The following PPP1R3A variants were observed in gnomAD, a reference collection of about 807,000 sequenced individuals.
PPP1R3A encodes RG1.
A neutral mutation model predicts 41.7 loss-of-function variants in PPP1R3A; 29 were observed. The observed-to-expected ratio is 0.70, with a 90% CI of 0.52 to 0.95. PPP1R3A has a LOEUF of 0.95. Ranked by LOEUF, PPP1R3A falls within the 40% of genes least tolerant of loss-of-function variation. The pLI, the probability that PPP1R3A is intolerant of heterozygous loss-of-function variation, is 0.00. For missense variants in PPP1R3A, 1,352 were observed against 1,292.4 expected (o/e 1.05, Z -0.71); for synonymous variants, 485 against 453.4 (o/e 1.07, Z -0.89).
At position 113,918,104 on chromosome 7, in the gene PPP1R3A, T is replaced by C. The variant is rs535698010; in HGVS notation, c.782+111A>G. 66 of 1,068,182 alleles carry C rather than the reference T, an allele frequency of 6.2e-5. No homozygotes were observed. The Admixed American group carries it at 7.9e-4, about 13-fold the overall frequency. 66.2% of individuals were successfully genotyped at this position (1,068,182 alleles called of 1,614,324 possible). On this transcript the variant is annotated intron_variant, in intron 1 of 3. Coordinates refer to ENST00000284601, the MANE Select transcript of PPP1R3A (RefSeq NM_002711.4). ...AAGCCTGGCACCATTGTTTTTTACA[T>C]AGCAAGCAGTATATTTTTAAATAGA... is the stretch of plus-strand genomic sequence containing the variant.
rs1796585492 is a variant in PPP1R3A at position 113,877,450 on chromosome 7, C to T, written c.*273G>A. The T allele has an allele frequency of 2.3e-5, 7 of 307,732 alleles. No individual in the cohort carries two copies. The South Asian group carries it at 6.9e-4, about 30-fold the overall frequency. 19.1% of individuals were successfully genotyped at this position (307,732 alleles called of 1,614,324 possible). A position where few individuals can be genotyped will look rare whatever the true frequency, so the allele number is the denominator to read the frequency against. On this transcript the variant is annotated 3_prime_UTR_variant, in exon 4 of 4. Coordinates refer to ENST00000284601, the MANE Select transcript of PPP1R3A (RefSeq NM_002711.4). ...AGTGAAGAGATGTGAAGCATTGCAACTTCATAGCCTGCTAAGGAGCAACAG... is the reference window on the plus strand; with the variant it reads ...AGTGAAGAGATGTGAAGCATTGCAATTTCATAGCCTGCTAAGGAGCAACAG...
In PPP1R3A at chr7:113,918,484, G is replaced by A. The variant is rs1412674633; in HGVS notation, c.513C>T (p.Asp171=). ...MSLDDWQTHY[D]ILAEYVPNSC... is the part of the protein sequence containing the mutation. ...AATTAGGAACATATTCTGCTAAAATGTCATAATGTGTCTGCCAGTCATCTA... is the reference window on the plus strand; with the variant it reads ...AATTAGGAACATATTCTGCTAAAATATCATAATGTGTCTGCCAGTCATCTA... Residue 171 remains aspartate (D), a synonymous_variant, in exon 1 of 4, where the codon GAC becomes GAT. Transcript: ENST00000284601. 4.3e-6 allele frequency: 7 copies of A among 1,613,000 alleles called. No homozygotes were observed. In the East Asian group the frequency reaches 1.1e-4, roughly 26 times the overall value.
At chr7:113,916,501 A>G (rs2129121760) in intron 1 of PPP1R3A, among the ~76,000 whole-genome samples, 1 of 152,208 alleles carries the variant, frequency 6.6e-6, no homozygotes, top group Middle Eastern at 3.4e-3. Flanking sequence ...AAAGGAATCA[A>G]AGGAATCCCC....
At chr7:113,911,574 CT>C (rs1409332674) in intron 1 of PPP1R3A, among the ~76,000 whole-genome samples, 1 of 151,962 alleles carries the variant, frequency 6.6e-6, no homozygotes, top group East Asian at 1.9e-4. Context: ...GAAGAACTAC[CT>C]TAAGAAAAAC....
rs751656778 is a variant in PPP1R3A at position 113,878,115 on chromosome 7, T to C, written c.2977A>G (p.Ile993Val). The C allele has an allele frequency of 2.5e-6, 4 of 1,613,480 alleles. No homozygotes were observed. The highest frequency in any genetic ancestry group is 3.4e-6 in the Non-Finnish European group (4 of 1,179,688). Reference sequence around the variant, plus strand: ...TCTTCTGTTTGGAAAATCTGGCCTATGCATCTTTCTTTTCTACTACCTGAT... The same window carrying C: ...TCTTCTGTTTGGAAAATCTGGCCTACGCATCTTTCTTTTCTACTACCTGAT... Reference protein sequence around the residue: ...VTSGSRKERCIGQIFQTEEYS... With the variant: ...VTSGSRKERCVGQIFQTEEYS... Residue 993 changes from isoleucine (I) to valine (V), a missense_variant, in exon 4 of 4, where the codon ATA (isoleucine) becomes GTA (valine). Coordinates refer to ENST00000284601, the MANE Select transcript of PPP1R3A (RefSeq NM_002711.4).
chr7:113,897,802 T>C (rs891603750), intron 1 of PPP1R3A, among the ~76,000 whole-genome samples: 2 of 151,724 alleles, frequency 1.3e-5, no homozygotes, highest in East Asian at 2.0e-4. Flanking sequence ...ATGACTACTG[T>C]TGAAGATTAG....
At position 113,877,925 on chromosome 7, in the gene PPP1R3A, A is replaced by C. The variant is rs745569146; in HGVS notation, c.3167T>G (p.Val1056Gly). 1 of 1,613,400 alleles carries C rather than the reference A, an allele frequency of 6.2e-7. No homozygotes were observed. Among genetic ancestry groups the C allele is most frequent in the South Asian group, 1.1e-5 (1 of 91,072 alleles). ...GTTGCCTTGAGCTTGACTTTCCTCA[A>C]CAGGAAGACTAGTAGAAGCAGAGCT... ...SDSSASTSLP[V>G]EESQAQGNES... is the part of the protein sequence containing the mutation. The change falls in exon 4 of 4, where the codon GTT becomes GGT. Residue 1056 changes from valine to glycine, a missense_variant. Physicochemically the swap from Val to Gly is moderately radical, Grantham distance 109. Coordinates refer to ENST00000284601, the MANE Select transcript of PPP1R3A (RefSeq NM_002711.4).
intron 1 of PPP1R3A, among the ~76,000 whole-genome samples, chr7:113,898,643 A>G (rs1797014350): frequency 6.6e-6 from 1 of 151,794 alleles, no homozygotes; most frequent in Non-Finnish European, 1.5e-5. Context: ...CTCAACACAA[A>G]TAGTTTTGTC....
rs748643035 is a variant in PPP1R3A, at chr7:113,879,589, T to C, written c.1503A>G (p.Thr501=). 3 of 1,613,120 alleles carry C rather than the reference T, an allele frequency of 1.9e-6. No homozygotes were observed. Among genetic ancestry groups the C allele is most frequent in the East Asian group, 4.5e-5 (2 of 44,828 alleles). Reference sequence around the variant, plus strand: ...AATCTTCCTTAGAAGATCCTTCTTCTGTTGATTCTTTGAGACATGCCGACG... The same window carrying C: ...AATCTTCCTTAGAAGATCCTTCTTCCGTTGATTCTTTGAGACATGCCGACG... The part of the protein sequence containing the change: ...SDTSACLKES[T]EEGSSKEDYY... Residue 501 remains threonine, a synonymous_variant, in exon 4 of 4, where the codon ACA becomes ACG. Transcript: ENST00000284601.
At position 113,878,015 on chromosome 7, in the gene PPP1R3A, T is replaced by C. The variant is rs1238887265; in HGVS notation, c.3077A>G (p.His1026Arg). The C allele has an allele frequency of 6.2e-7, 1 of 1,613,270 alleles. No individual in the cohort carries two copies. Among genetic ancestry groups the C allele is most frequent in the Non-Finnish European group, 8.5e-7 (1 of 1,179,642 alleles). The change falls in exon 4 of 4, where the codon CAT (histidine) becomes CGT (arginine). Residue 1026 changes from histidine (H) to arginine (R), a missense_variant. Coordinates refer to ENST00000284601, the MANE Select transcript of PPP1R3A (RefSeq NM_002711.4). Reference sequence around the variant, plus strand: ...AGAGCTTACTAATCCTTCATTTTCATGCCTTGCTTCTTCCATATTCTCAAG... The same window carrying C: ...AGAGCTTACTAATCCTTCATTTTCACGCCTTGCTTCTTCCATATTCTCAAG... ...KPLENMEEAR[H>R]ENEGLVSSGQ...
At chr7:113,900,400 A>C (rs2129118254) in intron 1 of PPP1R3A, among the ~76,000 whole-genome samples, 1 of 151,806 alleles carries the variant, frequency 6.6e-6, no homozygotes, top group Admixed American at 6.6e-5. Flanking sequence ...GGAGTTTATT[A>C]TGTGTAAGAG....
At chr7:113,888,382 G>C (rs1229395950) in intron 1 of PPP1R3A, among the ~76,000 whole-genome samples, 1 of 151,944 alleles carries the variant, frequency 6.6e-6, no homozygotes, top group Non-Finnish European at 1.5e-5. Flanking sequence ...AAGGGCAAAG[G>C]GTACTATTAA....
Position 113,918,896 on chromosome 7 carries a change from T to C in PPP1R3A, c.101A>G (p.Gln34Arg). The change falls in exon 1 of 4, where the codon CAA (glutamine) becomes CGA (arginine). Residue 34 changes from glutamine (Q) to arginine (R), a missense_variant. Gln to Arg is a conservative substitution (Grantham distance 43). Coordinates refer to ENST00000284601, the MANE Select transcript of PPP1R3A (RefSeq NM_002711.4). ...ACTTGGTTGAGGGGAGAAACCAGGTTGGAAAGTAACTTCTTCATCTTCACA... is the reference window on the plus strand; with the variant it reads ...ACTTGGTTGAGGGGAGAAACCAGGTCGGAAAGTAACTTCTTCATCTTCACA... The part of the protein sequence containing the change: ...SLCEDEEVTF[Q>R]PGFSPQPSRR... 6.2e-7 allele frequency: 1 copy of C among 1,613,298 alleles called. No homozygotes were observed. Among genetic ancestry groups the C allele is most frequent in the Non-Finnish European group, 8.5e-7 (1 of 1,179,472 alleles).
At chr7:113,886,657 T>A (rs1370258734) in intron 1 of PPP1R3A, among the ~76,000 whole-genome samples, 9 of 152,190 alleles carry the variant, frequency 5.9e-5, no homozygotes, top group Admixed American at 5.9e-4. Context: ...TTATTAATAA[T>A]TTGAAATATA....
At chr7:113,884,281 A>G (rs962275872) in intron 1 of PPP1R3A, among the ~76,000 whole-genome samples, 3 of 152,050 alleles carry the variant, frequency 2.0e-5, no homozygotes, top group Non-Finnish European at 2.9e-5. Flanking sequence ...ATTATTCCAA[A>G]CAGAAAAATA....
chr7:113,887,940 A>G (rs926648466), intron 1 of PPP1R3A, among the ~76,000 whole-genome samples: 10 of 152,162 alleles, frequency 6.6e-5, no homozygotes, highest in African/African-American at 2.4e-4. Context: ...CTGAGGCAGA[A>G]TAGCTTGAGC....
In PPP1R3A at chr7:113,878,032, A is replaced by T; in HGVS notation, c.3060T>A (p.Asn1020Lys). 6.2e-7 allele frequency: 1 copy of T among 1,613,234 alleles called. No homozygotes were observed. The highest frequency in any genetic ancestry group is 1.1e-5 in the South Asian group (1 of 91,076). The stretch of plus-strand genomic sequence containing the variant: ...CATTTTCATGCCTTGCTTCTTCCAT[A>T]TTCTCAAGAGGTTTGTTGATTAAAA... ...PMILINKPLE[N>K]MEEARHENEG... The change falls in exon 4 of 4, where the codon AAT (asparagine) becomes AAA (lysine). Residue 1020 changes from asparagine (N) to lysine (K), a missense_variant. Physicochemically the swap from Asn to Lys is moderately conservative, Grantham distance 94. Transcript: ENST00000284601.
At chr7:113,882,011 C>A in intron 3 of PPP1R3A, 28 bp downstream of exon 3, 1 of 1,610,936 alleles carries the variant, frequency 6.2e-7, no homozygotes, top group South Asian at 1.1e-5. Context: ...TTCATCTTCT[C>A]TAATACCGTG....
Position 113,897,564 on chromosome 7 carries a change from G to T in PPP1R3A, c.783-15244C>A, listed in dbSNP as rs1314984735. ...GCAGAATGAGGCCCTGTCTCTTAAA[G>T]GAAAAAAAAAAAAAAAGTTATGCAA... On this transcript the variant is annotated intron_variant, in intron 1 of 3. Transcript: ENST00000284601. 2.3e-4 allele frequency among the ~76,000 whole-genome samples: 3 copies of T among 13,186 alleles called. No homozygotes were observed. The East Asian group carries it at 0.021, about 92-fold the overall frequency. The allele number at this position is 13,186 out of a possible 152,430, so 8.7% of individuals were successfully genotyped here.
Sources: allele counts gnomAD v4.1 joint callset (sites outside exome capture counted in the v4.1 genomes callset), GRCh38; gene constraint gnomAD v4.1.1; transcripts MANE v1.5; gene names NCBI Gene and HGNC (gene_info 2026-07-23, HGNC 2026-07-21).